The following ROBO2 variants were observed in gnomAD, a reference collection of about 807,000 sequenced individuals.
ROBO2 encodes roundabout homolog 2.
In ROBO2, 53 loss-of-function variants were observed where a neutral mutation model predicts 160.8. The observed-to-expected ratio is 0.33, with a 90% CI of 0.26 to 0.41. ROBO2 has a LOEUF of 0.41. ROBO2 is among the 10% of genes least tolerant of loss of function. The probability of loss-of-function intolerance (pLI) is 1.00; values close to 1 mark genes in which losing one functional copy is unlikely to be tolerated. For synonymous variants in ROBO2, 664 were observed against 611.7 expected, an observed-to-expected ratio of 1.09 and a Z score of -1.26; for missense variants, 1,577 against 1,722.4, an observed-to-expected ratio of 0.92 and a Z score of 1.49.
At position 77,370,610 on chromosome 3, in the gene ROBO2, C is replaced by T. The variant is rs191640225; in HGVS notation, c.389-106804C>T. On this transcript the variant is annotated intron_variant, in intron 2 of 25. Transcript: ENST00000461745. ...CTTTAGAGGAGGGATCAGCAAACCA[C>T]GGCCACATGCCAGGTCTGGCCCACT... Among the ~76,000 whole-genome samples the T allele has an allele frequency of 7.2e-5, 11 of 152,354 alleles. No individual in the cohort carries two copies. In the East Asian group the frequency reaches 1.2e-3, roughly 16 times the overall value.
chr3:76,904,137 G>A (rs1029104817), intron 2 of ROBO2, among the ~76,000 whole-genome samples: 4 of 151,962 alleles, frequency 2.6e-5, no homozygotes, highest in African/African-American at 9.7e-5. Flanking sequence ...GAAAAAACAT[G>A]TACTTTTTAT....
intron 2 of ROBO2, among the ~76,000 whole-genome samples, chr3:76,905,797 T>A (rs1425236688): frequency 6.6e-6 from 1 of 152,212 alleles, no homozygotes; most frequent in Non-Finnish European, 1.5e-5. Flanking sequence ...AGCCATCATT[T>A]ATGAGTGCGG....
At chr3:76,802,682 G>A (rs1366392078) in intron 2 of ROBO2, among the ~76,000 whole-genome samples, 2 of 150,746 alleles carry the variant, frequency 1.3e-5, no homozygotes, top group Non-Finnish European at 3.0e-5. Context: ...GAGCCAAGAT[G>A]GCGTCACTGC....
chr3:77,320,270 G>C (rs1291772690), intron 2 of ROBO2, among the ~76,000 whole-genome samples: 1 of 152,082 alleles, frequency 6.6e-6, no homozygotes, highest in African/African-American at 2.4e-5. Flanking sequence ...TCTAGCAATT[G>C]CTGGCTGGTA....
chr3:76,348,619 G>GA lies in ROBO2; in HGVS notation c.109+411022dup, dbSNP rs1364667264. Among the ~76,000 whole-genome samples the GA allele has an allele frequency of 5.3e-5, 8 of 152,186 alleles. No homozygotes were observed. In the East Asian group the frequency reaches 5.8e-4, roughly 11 times the overall value. On this transcript the variant is annotated intron_variant, in intron 2 of 26. Coordinates refer to the ROBO2 transcript ENST00000487694. ...CCTGTGGGTAGCCCATTAGTGCCAT[G>GA]AAAAATTATACTAAATTAGAGACTA...
At chr3:77,108,231 TATATATGTATACACATATGC>T (rs1315151136) in intron 2 of ROBO2, among the ~76,000 whole-genome samples, 43 of 150,366 alleles carry the variant, frequency 2.9e-4, no homozygotes, top group African/African-American at 1.0e-3. Flanking sequence ...CACATATGCA[TATATATGTATACACATATGC>T]ATATATATGT....
intron 2 of ROBO2, among the ~76,000 whole-genome samples, chr3:76,987,593 T>TA (rs1367267450): frequency 2.6e-5 from 4 of 152,170 alleles, no homozygotes; most frequent in South Asian, 2.1e-4. Flanking sequence ...CATGCACTTC[T>TA]AAAAAATTAG....
At chr3:76,063,180 G>C (rs201900353) in intron 2 of ROBO2, among the ~76,000 whole-genome samples, 3,118 of 152,208 alleles carry the variant, frequency 0.02, 42 homozygotes, top group East Asian at 0.08. Context: ...ACCGTATCTG[G>C]CAGCTATGCA....
chr3:76,406,204 G>A (rs2078116376), intron 2 of ROBO2, among the ~76,000 whole-genome samples: 1 of 151,706 alleles, frequency 6.6e-6, no homozygotes, highest in African/African-American at 2.4e-5. Flanking sequence ...AGCACCATAT[G>A]AATTTTACTC....
intron 16 of ROBO2, among the ~76,000 whole-genome samples, chr3:77,584,469 A>AT (rs1019463581): frequency 3.6e-4 from 55 of 152,030 alleles, no homozygotes; most frequent in African/African-American, 1.2e-3. Flanking sequence ...AGCCGTTCTC[A>AT]TTTTTTTCTA....
At position 76,911,559 on chromosome 3, in the gene ROBO2, A is replaced by C. The variant is rs1234163234; in HGVS notation, c.110-186455A>C. On this transcript the variant is annotated intron_variant, in intron 2 of 26. Coordinates refer to the ROBO2 transcript ENST00000487694. ...GAGGACAACTTTGATGTACCCAATC[A>C]TGTCACTTAATAAAGTGTGTCAGCA... Among the ~76,000 whole-genome samples, 5 of 152,208 alleles carry C rather than the reference A, an allele frequency of 3.3e-5. No individual in the cohort carries two copies. The East Asian group carries it at 9.6e-4, about 29-fold the overall frequency.
chr3:77,112,255 G>T (rs920558282), intron 2 of ROBO2, among the ~76,000 whole-genome samples: 15 of 145,028 alleles, frequency 1.0e-4, no homozygotes, highest in Non-Finnish European at 2.1e-4. Context: ...TGGAGGGGGG[G>T]ACGCAGGGGC....
intron 2 of ROBO2, among the ~76,000 whole-genome samples, chr3:76,512,999 G>A (rs962238079): frequency 7.9e-5 from 12 of 152,054 alleles, no homozygotes; most frequent in Non-Finnish European, 1.2e-4. Context: ...AATAAACCCA[G>A]AAATACATAA....
At chr3:77,378,930 G>T (rs2073057785) in intron 2 of ROBO2, among the ~76,000 whole-genome samples, 1 of 150,938 alleles carries the variant, frequency 6.6e-6, no homozygotes, top group Non-Finnish European at 1.5e-5. Context: ...GTCACTCCTT[G>T]ATGTCACTTC....
chr3:76,049,403 A>ATTTTTTTTTTTTTTTTT (rs1167852972), intron 2 of ROBO2, among the ~76,000 whole-genome samples: 10 of 53,760 alleles, frequency 1.9e-4, no homozygotes, highest in African/African-American at 8.7e-4. Context: ...ATATATATAT[A>ATTTTTTTTTTTTTTTTT]TTTTTTTTTT....
At chr3:77,392,480 C>CT (rs2074839045) in intron 2 of ROBO2, among the ~76,000 whole-genome samples, 1 of 152,336 alleles carries the variant, frequency 6.6e-6, no homozygotes, top group East Asian at 1.9e-4. Flanking sequence ...ATGCCTGACT[C>CT]TCGTTTCCAT....
chr3:76,086,539 A>G (rs895658889), intron 2 of ROBO2, among the ~76,000 whole-genome samples: 2 of 152,116 alleles, frequency 1.3e-5, no homozygotes, highest in African/African-American at 4.8e-5. Flanking sequence ...AGGCTCAACA[A>G]AATACTAATA....
chr3:77,145,383 A>G (rs984030003), intron 2 of ROBO2, among the ~76,000 whole-genome samples: 3 of 152,160 alleles, frequency 2.0e-5, no homozygotes, highest in Admixed American at 1.3e-4. Flanking sequence ...CAAGGATATT[A>G]TTGTGATTTC....
intron 2 of ROBO2, among the ~76,000 whole-genome samples, chr3:76,109,360 G>C (rs1353069006): frequency 1.3e-5 from 2 of 152,054 alleles, no homozygotes; most frequent in Non-Finnish European, 2.9e-5. Context: ...AATCATGGCA[G>C]TATGGGTTTG....
Sources: allele counts gnomAD v4.1 joint callset (sites outside exome capture counted in the v4.1 genomes callset), GRCh38; gene constraint gnomAD v4.1.1; transcripts MANE v1.5; gene names NCBI Gene and HGNC (gene_info 2026-07-23, HGNC 2026-07-21).